NEK5: variants seen among roughly 807,000 people sequenced by gnomAD.
NEK5 encodes the protein NIMA related kinase 5, also known as serine/threonine-protein kinase Nek5.
In NEK5, 88 loss-of-function variants were observed where a neutral mutation model predicts 109.2. The observed-to-expected ratio is 0.81, with a 90% CI of 0.68 to 0.96. NEK5 has a LOEUF of 0.96. Ranked by LOEUF, NEK5 falls within the 40% of genes least tolerant of loss-of-function variation. NEK5 has a pLI of 0.00. For missense variants in NEK5, 834 were observed against 920.7 expected (o/e 0.91, Z 1.22); for synonymous variants, 283 against 299.9 (o/e 0.94, Z 0.58).
intron 17 of NEK5, among the ~76,000 whole-genome samples, chr13:52,076,760 G>C (rs1954876771): frequency 6.6e-6 from 1 of 152,092 alleles, no homozygotes; most frequent in Admixed American, 6.6e-5. Context: ...CTGAGCTCCA[G>C]ACTCACATAT....
intron 3 of NEK5, among the ~76,000 whole-genome samples, chr13:52,125,435 C>T (rs770203212): frequency 5.6e-4 from 85 of 152,024 alleles, no homozygotes; most frequent in Non-Finnish European, 8.5e-4. Flanking sequence ...TGGTGGCGGG[C>T]GCCTGTAGTC....
chr13:52,116,178 C>CAAAA (rs35020086), intron 4 of NEK5, among the ~76,000 whole-genome samples: 23 of 115,860 alleles, frequency 2.0e-4, no homozygotes, highest in Admixed American at 2.9e-4. Context: ...AAGACTGTCT[C>CAAAA]AAAAAAAAAA....
chr13:52,112,876 C>T (rs759333156), intron 4 of NEK5, among the ~76,000 whole-genome samples: 3 of 152,222 alleles, frequency 2.0e-5, no homozygotes, highest in Non-Finnish European at 4.4e-5. Context: ...GGACACTCTC[C>T]ATTGCTATTG....
At chr13:52,110,453 A>T in intron 6 of NEK5, 41 bp downstream of exon 6, 1 of 1,600,722 alleles carries the variant, frequency 6.2e-7, no homozygotes, top group Non-Finnish European at 8.6e-7. Context: ...GTACTTCAAG[A>T]AAAGATCAGT....
At chr13:52,064,003 G>T (rs1225186805) in intron 21 of NEK5, among the ~76,000 whole-genome samples, 2 of 143,742 alleles carry the variant, frequency 1.4e-5, no homozygotes, top group Admixed American at 6.8e-5. Flanking sequence ...AGGTGGGGGG[G>T]GGGGTCAGCC....
In NEK5 at chr13:52,107,599, T is replaced by TA. The variant is rs572246305; in HGVS notation, c.554+718dup. 7.8e-3 allele frequency among the ~76,000 whole-genome samples: 972 copies of TA among 124,274 alleles called. 13 individuals are homozygous for TA. Among genetic ancestry groups the TA allele is most frequent in the African/African-American group, 0.026 (844 of 32,206 alleles). The allele number at this position is 124,274 out of a possible 152,430, so 81.5% of individuals were successfully genotyped here. ...AAGAGCAAGACTCTATCTCAAAAAA[T>TA]AAAAAAAAAAAAGCCAGTGCCCTTA... On this transcript the variant is annotated intron_variant, in intron 8 of 23. Transcript: ENST00000684899.
chr13:52,097,657 G>C (rs907980315), intron 12 of NEK5, among the ~76,000 whole-genome samples: 1 of 152,142 alleles, frequency 6.6e-6, no homozygotes, highest in African/African-American at 2.4e-5. Flanking sequence ...TTATTTTACA[G>C]CCTCACAGGT....
chr13:52,035,540 T>C lies in NEK5; in HGVS notation c.*1408A>G, dbSNP rs573344090. On this transcript the variant is annotated 3_prime_UTR_variant, in exon 24 of 24. Transcript: ENST00000684899. The stretch of plus-strand genomic sequence containing the variant: ...TAAACATCTGTTAAGCTCCAGGCCA[T>C]GTTCAACGTTGGAATTGTTATGATC... 2.0e-5 allele frequency: 3 copies of C among 152,294 alleles called. No homozygotes were observed. The East Asian group carries it at 5.8e-4, about 29-fold the overall frequency. 9.4% of individuals were successfully genotyped at this position (152,294 alleles called of 1,614,324 possible). A position where few individuals can be genotyped will look rare whatever the true frequency, so the allele number is the denominator to read the frequency against.
At chr13:52,080,950 T>C (rs1309494348) in intron 17 of NEK5, among the ~76,000 whole-genome samples, 2 of 136,244 alleles carry the variant, frequency 1.5e-5, no homozygotes, top group East Asian at 2.1e-4. Flanking sequence ...TTTACCACAG[T>C]GAAAAAAATC....
chr13:52,065,792 TTTACTC>T (rs1246869801), intron 20 of NEK5, among the ~76,000 whole-genome samples, 183 bp from the exon 21 acceptor site: 1 of 152,210 alleles, frequency 6.6e-6, no homozygotes, highest in African/African-American at 2.4e-5. Context: ...CTGTTTTACT[TTTACTC>T]TTAGTGTTTG....
At chr13:52,123,928 A>G (rs1006023644) in intron 3 of NEK5, among the ~76,000 whole-genome samples, 5 of 151,992 alleles carry the variant, frequency 3.3e-5, no homozygotes, top group African/African-American at 1.2e-4. Context: ...TGGAGTGGGG[A>G]AAAAAAGTAG....
intron 11 of NEK5, among the ~76,000 whole-genome samples, chr13:52,101,187 C>T (rs918695497): frequency 2.6e-5 from 4 of 151,920 alleles, no homozygotes; most frequent in Non-Finnish European, 5.9e-5. Flanking sequence ...TCACGAGGTC[C>T]GGAGATCGAG....
At chr13:52,044,918 A>C (rs1265844376) in intron 23 of NEK5, among the ~76,000 whole-genome samples, 1 of 152,086 alleles carries the variant, frequency 6.6e-6, no homozygotes, top group Non-Finnish European at 1.5e-5. Context: ...TTTGCTAGAC[A>C]AGGTGATTCT....
chr13:52,062,269 T>C (rs550692173), intron 21 of NEK5: 1 of 152,240 alleles, frequency 6.6e-6, no homozygotes, highest in Non-Finnish European at 1.5e-5. Context: ...TTCAGTGATA[T>C]ACTTACATAT....
chr13:52,067,676 ATTTTTTTTTTT>A (rs33986940), intron 20 of NEK5, among the ~76,000 whole-genome samples: 2 of 120,170 alleles, frequency 1.7e-5, no homozygotes, highest in Admixed American at 1.9e-4. Flanking sequence ...ACACCACGTC[ATTTTTTTTTTT>A]TTTTTTTTGA....
intron 21 of NEK5, among the ~76,000 whole-genome samples, chr13:52,064,210 C>A (rs1470671579): frequency 2.2e-5 from 3 of 136,872 alleles, no homozygotes; most frequent in African/African-American, 8.6e-5. Context: ...CCAGCCGCCC[C>A]GTCCGGGAGG....
chr13:52,038,839 A>C (rs112373607), intron 23 of NEK5, among the ~76,000 whole-genome samples: 14,302 of 151,212 alleles, frequency 0.095, 790 homozygotes, highest in Middle Eastern at 0.13. Context: ...AAAAAAAAAA[A>C]AAAAAAGTGG....
At chr13:52,042,052 T>C (rs1182313339) in intron 23 of NEK5, among the ~76,000 whole-genome samples, 1 of 151,890 alleles carries the variant, frequency 6.6e-6, no homozygotes, top group Non-Finnish European at 1.5e-5. Context: ...AGCATCCCTA[T>C]AAAGGAAAAA....
chr13:52,075,075 T>C (rs1954843361), intron 19 of NEK5, among the ~76,000 whole-genome samples: 1 of 152,174 alleles, frequency 6.6e-6, no homozygotes. Context: ...TGGATATTTC[T>C]CAAAGAACTT....
Sources: gnomAD v4.1 joint callset for allele counts (sites outside exome capture counted in the v4.1 genomes callset) on GRCh38, gnomAD v4.1.1 for gene constraint, MANE v1.5 for transcripts, NCBI Gene and HGNC (gene_info 2026-07-23, HGNC 2026-07-21) for gene names.